The following TMC5 variants were observed in gnomAD, a reference collection of about 807,000 sequenced individuals.
TMC5 encodes transmembrane channel-like protein 5.
In TMC5, 86 loss-of-function variants were observed where a neutral mutation model predicts 110.5. The ratio of observed to expected loss-of-function variants is 0.78; its 90% CI spans 0.65 to 0.93. The LOEUF is 0.93. TMC5 is among the 40% of genes least tolerant of loss of function. TMC5 has a pLI of 0.00. For synonymous variants in TMC5, 455 were observed against 439.5 expected (o/e 1.04, Z -0.44); for missense variants, 1,144 against 1,222.8 (o/e 0.94, Z 0.96).
intron 12 of TMC5, among the ~76,000 whole-genome samples, chr16:19,475,578 C>T (rs780567449): frequency 1.6e-4 from 25 of 152,134 alleles, no homozygotes; most frequent in Non-Finnish European, 2.6e-4. Flanking sequence ...TGCCTGTCCC[C>T]GTCACAGACC....
intron 5 of TMC5, among the ~76,000 whole-genome samples, chr16:19,450,855 G>T (rs1967732442): frequency 6.6e-6 from 1 of 152,204 alleles, no homozygotes; most frequent in African/African-American, 2.4e-5. Context: ...TTATGATAAT[G>T]GAGTGTGGAA....
intron 1 of TMC5, among the ~76,000 whole-genome samples, chr16:19,419,336 ATTG>A (rs1205548394): frequency 1.2e-4 from 16 of 134,076 alleles, no homozygotes; most frequent in Non-Finnish European, 9.5e-5. Context: ...TATTATTGTT[ATTG>A]TTTGACTAGA....
intron 2 of TMC5, among the ~76,000 whole-genome samples, chr16:19,434,497 G>GAT (rs377209237): frequency 0.56 from 69,629 of 123,960 alleles, 19,601 homozygotes; most frequent in East Asian, 0.67. Flanking sequence ...GATAGATATA[G>GAT]AGAGAGAGAG....
upstream of TMC5, among the ~76,000 whole-genome samples, chr16:19,417,184 C>T (rs12448160): frequency 0.11 from 16,681 of 151,238 alleles, 1,243 homozygotes; most frequent in Non-Finnish European, 0.17. Flanking sequence ...TTTTGGAGAC[C>T]GAGATGGGTG....
intron 12 of TMC5, 53 bp from the exon 13 acceptor site, chr16:19,477,387 A>G: frequency 2.9e-6 from 4 of 1,370,938 alleles, no homozygotes; most frequent in Middle Eastern, 1.8e-4. Flanking sequence ...ATTTGCAGAC[A>G]GAATGAAAGA....
At chr16:19,479,860 G>A (rs1200987802) in intron 14 of TMC5, among the ~76,000 whole-genome samples, 3 of 151,174 alleles carry the variant, frequency 2.0e-5, no homozygotes, top group African/African-American at 4.9e-5. Context: ...TTGGGAGACC[G>A]AGGCAGGAGG....
At chr16:19,418,455 G>A (rs1352178892) in intron 1 of TMC5, among the ~76,000 whole-genome samples, 1 of 152,082 alleles carries the variant, frequency 6.6e-6, no homozygotes, top group African/African-American at 2.4e-5. Flanking sequence ...GGATATCAGA[G>A]CTAATAAAAT....
chr16:19,442,966 T>A (rs1967524254), intron 3 of TMC5, among the ~76,000 whole-genome samples: 1 of 152,186 alleles, frequency 6.6e-6, no homozygotes, highest in African/African-American at 2.4e-5. Context: ...TGGGTCCCCA[T>A]AACCTTTGGA....
intron 5 of TMC5, among the ~76,000 whole-genome samples, chr16:19,450,488 C>T (rs1400603005): frequency 1.3e-5 from 2 of 152,168 alleles, no homozygotes; most frequent in African/African-American, 2.4e-5. Flanking sequence ...GTAAAACTTG[C>T]TTTTCAGTTC....
intron 5 of TMC5, among the ~76,000 whole-genome samples, chr16:19,457,465 G>GGA (rs1967907587): frequency 6.6e-6 from 1 of 152,056 alleles, no homozygotes; most frequent in African/African-American, 2.4e-5. Context: ...CAAGGACAAA[G>GGA]GAAGGGATCA....
Position 19,487,211 on chromosome 16 carries a change from T to C in TMC5, c.2458T>C (p.Phe820Leu). ...YSKNISLMMN[F>L]QPPSKAWRAS... ...TCTTCAGATCAGCCTGATGATGAAT[T>C]TCCAGCCTCCGAGCAAAGCCTGGCG... is the stretch of plus-strand genomic sequence containing the variant. The change falls in exon 17 of 22, where the codon TTC becomes CTC. Residue 820 changes from phenylalanine (F) to leucine (L), a missense_variant. Physicochemically the swap from Phe to Leu is conservative, Grantham distance 22. Coordinates refer to ENST00000542583, the MANE Select transcript of TMC5 (RefSeq NM_001261841.2). 2.5e-6 allele frequency: 4 copies of C among 1,613,254 alleles called. No individual in the cohort carries two copies. Among genetic ancestry groups the C allele is most frequent in the Non-Finnish European group, 3.4e-6 (4 of 1,179,634 alleles).
rs2143730980 is a variant in TMC5, at chr16:19,486,934, C to T, written c.2364-11C>T. ...CGCCAGCCTCTGACACTCACCCTCTCTCCCTCACAGGATTGGCATCTTCTT... is the reference window on the plus strand; with the variant it reads ...CGCCAGCCTCTGACACTCACCCTCTTTCCCTCACAGGATTGGCATCTTCTT... On this transcript the variant is annotated splice_polypyrimidine_tract_variant and intron_variant, in intron 15 of 21. Coordinates refer to ENST00000542583, the MANE Select transcript of TMC5 (RefSeq NM_001261841.2). The T allele has an allele frequency of 1.9e-6, 3 of 1,613,426 alleles. No homozygotes were observed. Among genetic ancestry groups the T allele is most frequent in the Admixed American group, 3.3e-5 (2 of 60,024 alleles).
chr16:19,466,150 C>T lies in TMC5; in HGVS notation c.1554C>T (p.Ser518=), dbSNP rs775432690. Reference sequence around the variant, plus strand: ...ATTCCACCATCCAGCACGGGAACAGCGGGGCATCCTACAACATGCAGCTGG... The same window carrying T: ...ATTCCACCATCCAGCACGGGAACAGTGGGGCATCCTACAACATGCAGCTGG... ...YTNSTIQHGN[S]GASYNMQLAY... The change falls in exon 9 of 22, where the codon AGC becomes AGT. Residue 518 remains serine, a synonymous_variant. Transcript: ENST00000542583. 2.3e-5 allele frequency: 37 copies of T among 1,613,982 alleles called. No individual in the cohort carries two copies. Among genetic ancestry groups the T allele is most frequent in the Non-Finnish European group, 2.8e-5 (33 of 1,180,024 alleles).
At position 19,463,951 on chromosome 16, in the gene TMC5, T is replaced by C. The variant is rs1327409051; in HGVS notation, c.1412T>C (p.Ile471Thr). 6.2e-7 allele frequency: 1 copy of C among 1,614,108 alleles called. No homozygotes were observed. Among genetic ancestry groups the C allele is most frequent in the Non-Finnish European group, 8.5e-7 (1 of 1,180,040 alleles). Residue 471 changes from isoleucine to threonine, a missense_variant, in exon 8 of 22, where the codon ATC (isoleucine) becomes ACC (threonine). Transcript: ENST00000542583. ...IFSFILNFSF[I>T]IIPQFTVAKK... ...TCATTCATCCTGAACTTCAGCTTCA[T>C]CATAATCCCTCAGTTTACCGTGGCC... is the stretch of plus-strand genomic sequence containing the variant.
intron 14 of TMC5, among the ~76,000 whole-genome samples, chr16:19,480,099 T>C (rs1028955586): frequency 1.3e-5 from 2 of 152,204 alleles, no homozygotes; most frequent in African/African-American, 4.8e-5. Context: ...TGCTATATAA[T>C]TTTCAAAAGC....
At chr16:19,419,677 G>C (rs1341010497) in intron 1 of TMC5, among the ~76,000 whole-genome samples, 1 of 152,100 alleles carries the variant, frequency 6.6e-6, no homozygotes, top group Non-Finnish European at 1.5e-5. Context: ...CTCCCAAAGT[G>C]CTGGGATTAC....
At chr16:19,432,049 C>T (rs184255471) in intron 2 of TMC5, among the ~76,000 whole-genome samples, 7 of 152,208 alleles carry the variant, frequency 4.6e-5, no homozygotes, top group African/African-American at 7.2e-5. Context: ...GAACAGAACT[C>T]GTGGGTGGCT....
At chr16:19,486,378 CTTCT>C (rs1316800808) in intron 15 of TMC5, among the ~76,000 whole-genome samples, 1 of 152,050 alleles carries the variant, frequency 6.6e-6, no homozygotes, top group Non-Finnish European at 1.5e-5. Context: ...GTCCTAATCT[CTTCT>C]TTTTTTGTTG....
chr16:19,458,087 G>T (rs979398136), intron 5 of TMC5, among the ~76,000 whole-genome samples: 6 of 151,834 alleles, frequency 4.0e-5, no homozygotes, highest in Non-Finnish European at 7.4e-5. Context: ...TCCTCACCCT[G>T]GTCAGGCAAC....
Sources: gnomAD v4.1 joint callset for allele counts (sites outside exome capture counted in the v4.1 genomes callset) on GRCh38, gnomAD v4.1.1 for gene constraint, MANE v1.5 for transcripts, NCBI Gene and HGNC (gene_info 2026-07-23, HGNC 2026-07-21) for gene names.